The following COP1 variants were observed in gnomAD, a reference collection of about 807,000 sequenced individuals.
COP1 encodes the protein E3 ubiquitin-protein ligase COP1.
Under a neutral mutation model 101.3 loss-of-function variants are expected in COP1, and 24 were observed. That is an observed-to-expected ratio of 0.24 (90% CI 0.17 to 0.33). The LOEUF (loss-of-function observed/expected upper bound fraction) is 0.33, where lower values mean the gene tolerates loss of function less well. Among genes scored for constraint, COP1 ranks in the 10% least tolerant of loss-of-function variants. The pLI, the probability that COP1 is intolerant of heterozygous loss-of-function variation, is 1.00. For synonymous variants in COP1, 347 were observed against 341.9 expected, an observed-to-expected ratio of 1.01 and a Z score of -0.17; for missense variants, 663 against 906.2, an observed-to-expected ratio of 0.73 and a Z score of 3.45.
At chr1:176,015,655 A>G (rs1197794955) in intron 15 of COP1, among the ~76,000 whole-genome samples, 3 of 152,212 alleles carry the variant, frequency 2.0e-5, no homozygotes, top group Non-Finnish European at 4.4e-5. Flanking sequence ...AACTAGAGAT[A>G]ACTCAATTCC....
intron 11 of COP1, 72 bp downstream of exon 11, chr1:176,081,080 T>A (rs1442664997): frequency 6.1e-6 from 8 of 1,311,060 alleles, no homozygotes; most frequent in Non-Finnish European, 7.5e-6. Flanking sequence ...AATAATGGTA[T>A]AAGTGCTTCT....
chr1:175,983,575 G>A (rs1196783335), intron 18 of COP1, among the ~76,000 whole-genome samples: 1 of 152,166 alleles, frequency 6.6e-6, no homozygotes, highest in Admixed American at 6.5e-5. Flanking sequence ...CAGAAGTGGG[G>A]TGCTGCTGAA....
At chr1:175,949,168 CAAAAAAAAAAA>C (rs56280543) in intron 18 of COP1, among the ~76,000 whole-genome samples, 1 of 43,142 alleles carries the variant, frequency 2.3e-5, no homozygotes, top group Admixed American at 3.4e-4. Context: ...GGCTCCGTCT[CAAAAAAAAAAA>C]AAAAAAAAAA....
intron 11 of COP1, among the ~76,000 whole-genome samples, chr1:176,077,017 GGACCA>G (rs1331867165): frequency 6.6e-5 from 10 of 152,066 alleles, no homozygotes; most frequent in Non-Finnish European, 1.2e-4. Flanking sequence ...AAAGAGCCCT[GGACCA>G]GATGATTCAC....
chr1:176,034,839 T>C (rs554287142), intron 14 of COP1, among the ~76,000 whole-genome samples: 23 of 152,276 alleles, frequency 1.5e-4, no homozygotes, highest in African/African-American at 5.1e-4. Context: ...GCAAAAGCTC[T>C]GAGAAATGAA....
At chr1:175,993,421 A>C (rs888957311) in intron 15 of COP1, among the ~76,000 whole-genome samples, 3 of 152,228 alleles carry the variant, frequency 2.0e-5, no homozygotes, top group African/African-American at 4.8e-5. Context: ...TGAGAGAAGA[A>C]GGTTTCAGAT....
intron 9 of COP1, among the ~76,000 whole-genome samples, chr1:176,092,186 G>C (rs1365795532): frequency 6.6e-6 from 1 of 151,934 alleles, no homozygotes; most frequent in African/African-American, 2.4e-5. Context: ...GTTTATATAT[G>C]GCCAAATATA....
chr1:176,143,123 C>CGAGAGAGAGAGAGAGAGAGAGA (rs71129558), intron 6 of COP1, among the ~76,000 whole-genome samples: 15 of 146,828 alleles, frequency 1.0e-4, no homozygotes, highest in African/African-American at 2.3e-4. Context: ...ACAGAACAAG[C>CGAGAGAGAGAGAGAGAGAGAGA]GAGAGAGAGA....
chr1:176,186,283 G>A (rs1011491339), intron 1 of COP1, among the ~76,000 whole-genome samples: 1 of 151,426 alleles, frequency 6.6e-6, no homozygotes, highest in Non-Finnish European at 1.5e-5. Context: ...ACACCTCTAT[G>A]CAAATTTTTT....
chr1:175,987,193 T>C (rs1307328418), intron 17 of COP1, 90 bp from the exon 18 acceptor site: 9 of 663,082 alleles, frequency 1.4e-5, no homozygotes, highest in Non-Finnish European at 1.9e-5. Context: ...GCCAAAGTTA[T>C]AGTTCAAAGA....
At chr1:176,205,148 A>C (rs1195811335) in intron 1 of COP1, among the ~76,000 whole-genome samples, 4 of 152,240 alleles carry the variant, frequency 2.6e-5, no homozygotes, top group Non-Finnish European at 5.9e-5. Flanking sequence ...CTAAAAATTA[A>C]AATGCAAACA....
At chr1:176,008,431 G>A (rs1405117189) in intron 15 of COP1, among the ~76,000 whole-genome samples, 1 of 152,026 alleles carries the variant, frequency 6.6e-6, no homozygotes, top group African/African-American at 2.4e-5. Context: ...TTCATGTTTA[G>A]TTATGATACT....
intron 18 of COP1, among the ~76,000 whole-genome samples, chr1:175,958,426 A>G (rs1428069740): frequency 6.6e-6 from 1 of 151,976 alleles, no homozygotes; most frequent in East Asian, 1.9e-4. Context: ...TTCCCCCAAA[A>G]TAAGGCACTG....
intron 11 of COP1, among the ~76,000 whole-genome samples, chr1:176,055,446 CA>C (rs1673305985): frequency 6.6e-6 from 1 of 152,042 alleles, no homozygotes; most frequent in African/African-American, 2.4e-5. Flanking sequence ...AAAAAATAAA[CA>C]AAACAAAACA....
chr1:175,975,561 C>G (rs1365658611), intron 18 of COP1, among the ~76,000 whole-genome samples: 1 of 152,182 alleles, frequency 6.6e-6, no homozygotes, highest in South Asian at 2.1e-4. Flanking sequence ...AAGCATGCGC[C>G]AATATGCCAG....
chr1:176,206,711 T>C lies in COP1; in HGVS notation c.268A>G (p.Ser90Gly), dbSNP rs1360261490. 1 of 1,598,116 alleles carries C rather than the reference T, an allele frequency of 6.3e-7. No homozygotes were observed. Among genetic ancestry groups the C allele is most frequent in the East Asian group, 2.2e-5 (1 of 44,668 alleles). Reference protein sequence around the residue: ...GAVSTGLSRHSCAARPSAGVG... With the variant: ...GAVSTGLSRHGCAARPSAGVG... ...CCGGCGCTGGGCCTGGCCGCGCAGC[T>C]GTGCCGGGACAGGCCCGTGGACACC... The change falls in exon 1 of 20, where the codon AGC becomes GGC. Residue 90 changes from serine (S) to glycine (G), a missense_variant. Ser to Gly is a moderately conservative substitution (Grantham distance 56, BLOSUM62 0). This residue lies in a region of COP1 where 204 missense variants were observed against 203.6 expected (regional missense o/e 1.00). Coordinates refer to ENST00000367669, the MANE Select transcript of COP1 (RefSeq NM_022457.7).
chr1:176,010,111 T>C (rs1424662602), intron 15 of COP1, among the ~76,000 whole-genome samples: 1 of 152,176 alleles, frequency 6.6e-6, no homozygotes, highest in African/African-American at 2.4e-5. Context: ...ACTCACCAAC[T>C]GTAAATGTTT....
At chr1:176,084,647 C>A (rs1380813004) in intron 10 of COP1, among the ~76,000 whole-genome samples, 1 of 152,078 alleles carries the variant, frequency 6.6e-6, no homozygotes, top group Non-Finnish European at 1.5e-5. Context: ...TTGTTAATTT[C>A]AAACAAACAA....
chr1:176,005,258 T>C (rs1056055633), intron 15 of COP1, among the ~76,000 whole-genome samples: 1 of 152,204 alleles, frequency 6.6e-6, no homozygotes, highest in Non-Finnish European at 1.5e-5. Flanking sequence ...TCTTTATTAG[T>C]CTTGCTAGTG....
Sources: allele counts gnomAD v4.1 joint callset (sites outside exome capture counted in the v4.1 genomes callset), GRCh38; gene constraint gnomAD v4.1.1; regional missense constraint gnomAD v4.1.1; transcripts MANE v1.5; gene names NCBI Gene and HGNC (gene_info 2026-07-23, HGNC 2026-07-21).